The following UPRT variants were observed in gnomAD, a reference collection of about 807,000 sequenced individuals.
UPRT encodes the protein uracil phosphoribosyltransferase homolog, also known as RP11-311P8.3.
A neutral mutation model predicts 22.6 loss-of-function variants in UPRT; 5 were observed. The observed-to-expected ratio is 0.22, with a 90% CI of 0.12 to 0.47. UPRT has a LOEUF of 0.47. Among genes scored for constraint, UPRT ranks in the 20% least tolerant of loss-of-function variants. The probability of loss-of-function intolerance (pLI) is 0.99; values close to 1 mark genes in which losing one functional copy is unlikely to be tolerated. For missense variants in UPRT, 181 were observed against 239.9 expected (o/e 0.75, Z 1.62); for synonymous variants, 77 against 87.7 (o/e 0.88, Z 0.68).
intron 4 of UPRT, among the ~76,000 whole-genome samples, chrX:75,229,459 C>G (rs780479045): frequency 3.6e-5 from 4 of 111,545 alleles, no homozygotes; most frequent in Admixed American, 9.5e-5. Context: ...AGGAACATAC[C>G]AGGAAAACTG....
intron 4 of UPRT, among the ~76,000 whole-genome samples, chrX:75,235,261 G>C (rs148649750): frequency 0.041 from 4,589 of 111,216 alleles, 252 homozygotes; most frequent in African/African-American, 0.14. Flanking sequence ...CCTGAATAGA[G>C]CAATAACAGG....
intron 1 of UPRT, 145 bp from the exon 2 acceptor site, chrX:75,293,327 A>G: frequency 2.3e-6 from 1 of 437,897 alleles, no homozygotes; most frequent in Non-Finnish European, 3.7e-6. Flanking sequence ...AGTAAAAAGT[A>G]TCTTGCCTCA....
At chrX:75,190,772 G>T (rs1197458827) in intron 4 of UPRT, among the ~76,000 whole-genome samples, 1 of 111,726 alleles carries the variant, frequency 9.0e-6, no homozygotes, top group Non-Finnish European at 1.9e-5. Context: ...GATTGAATTG[G>T]TTACTGAAGC....
intron 1 of UPRT, among the ~76,000 whole-genome samples, chrX:75,289,761 A>G (rs1721675433): frequency 8.9e-6 from 1 of 112,118 alleles, no homozygotes; most frequent in South Asian, 3.7e-4. Flanking sequence ...ATCCATATGC[A>G]GAAGAATGAA....
At position 75,229,456 on chromosome X, in the gene UPRT, T is replaced by C. The variant is rs148274593; in HGVS notation, c.-446-61568T>C. 3.0e-3 allele frequency among the ~76,000 whole-genome samples: 340 copies of C among 111,809 alleles called. 1 individual carries two copies. The highest frequency in any genetic ancestry group is 0.01 in the African/African-American group (311 of 30,828). On this transcript the variant is annotated intron_variant, in intron 4 of 13. Transcript: ENST00000652605. ...TGCTCCAAGAACTACCACAGGAACA[T>C]ACCAGGAAAACTGAGAGAATTCGCA...
chrX:75,288,245 A>G (rs2082690498), intron 1 of UPRT, among the ~76,000 whole-genome samples: 1 of 111,643 alleles, frequency 9.0e-6, no homozygotes, highest in Admixed American at 9.5e-5. Flanking sequence ...TCTACCAGAC[A>G]TACAAGAAGA....
intron 4 of UPRT, among the ~76,000 whole-genome samples, chrX:75,256,899 T>G (rs1187537872): frequency 9.0e-6 from 1 of 110,905 alleles, no homozygotes; most frequent in Non-Finnish European, 1.9e-5. Flanking sequence ...CAAAAAAAAG[T>G]CCAGGACAAG....
At chrX:75,296,831 A>C (rs1468456044) in intron 3 of UPRT, among the ~76,000 whole-genome samples, 1 of 111,969 alleles carries the variant, frequency 8.9e-6, no homozygotes, top group Non-Finnish European at 1.9e-5. Flanking sequence ...TAAGAATTGG[A>C]GAAGGTGCTT....
chrX:75,182,485 T>A (rs986282839), intron 4 of UPRT, among the ~76,000 whole-genome samples: 1 of 111,400 alleles, frequency 9.0e-6, no homozygotes, highest in African/African-American at 3.3e-5. Context: ...TCTACTTGTC[T>A]TAGGCTGTTT....
intron 4 of UPRT, among the ~76,000 whole-genome samples, chrX:75,268,113 G>A (rs2082596423): frequency 8.9e-6 from 1 of 111,828 alleles, no homozygotes; most frequent in African/African-American, 3.2e-5. Flanking sequence ...ATGACCATCA[G>A]TGAAAACTAT....
chrX:75,212,764 G>A lies in UPRT; in HGVS notation c.-447+44885G>A, dbSNP rs998326526. Among the ~76,000 whole-genome samples the A allele has an allele frequency of 1.7e-4, 19 of 110,739 alleles. 1 individual carries two copies. The highest frequency in any genetic ancestry group is 6.2e-4 in the African/African-American group (19 of 30,474). On this transcript the variant is annotated intron_variant, in intron 4 of 13. Transcript: ENST00000652605. ...TAAGAACACATGGACACAGGGAGGG[G>A]AACAACACACACTGGGGCCTGTCAG...
intron 4 of UPRT, among the ~76,000 whole-genome samples, chrX:75,179,900 C>T (rs1384606542): frequency 1.8e-5 from 2 of 112,947 alleles, no homozygotes; most frequent in East Asian, 5.6e-4. Flanking sequence ...CCCGCCTCTC[C>T]CTCCACACCT....
At chrX:75,247,060 G>C (rs1188478546) in intron 4 of UPRT, among the ~76,000 whole-genome samples, 1 of 111,533 alleles carries the variant, frequency 9.0e-6, no homozygotes, top group Non-Finnish European at 1.9e-5. Context: ...TTTTAAAAGG[G>C]AGACTGTAAG....
intron 6 of UPRT, among the ~76,000 whole-genome samples, chrX:75,301,188 A>G (rs989765597): frequency 1.8e-5 from 2 of 112,266 alleles, no homozygotes; most frequent in African/African-American, 6.5e-5. Context: ...AACTAACCCC[A>G]TTTAAAAGAA....
chrX:75,221,314 T>C (rs1419355510), intron 4 of UPRT, among the ~76,000 whole-genome samples: 4 of 110,975 alleles, frequency 3.6e-5, no homozygotes, highest in Admixed American at 9.6e-5. Flanking sequence ...TTGGGTTAAA[T>C]CTGCTTGGTG....
chrX:75,188,302 C>T (rs753635663), intron 4 of UPRT, among the ~76,000 whole-genome samples: 1 of 111,491 alleles, frequency 9.0e-6, no homozygotes, highest in South Asian at 3.9e-4. Context: ...TCAGTCTGCC[C>T]CTGCTAGGGG....
At chrX:75,245,834 A>G (rs899239439) in intron 4 of UPRT, among the ~76,000 whole-genome samples, 6 of 111,670 alleles carry the variant, frequency 5.4e-5, no homozygotes, top group African/African-American at 1.6e-4. Flanking sequence ...AAAACTACCT[A>G]TCAGGTACTA....
At chrX:75,260,398 T>A (rs894913919) in intron 4 of UPRT, among the ~76,000 whole-genome samples, 10 of 111,444 alleles carry the variant, frequency 9.0e-5, no homozygotes, top group African/African-American at 3.3e-4. Context: ...AATAAAGGGA[T>A]GGAGGAAGAT....
At chrX:75,156,795 A>G in intron 1 of UPRT, 1 of 326,251 alleles carries the variant, frequency 3.1e-6, no homozygotes, top group Non-Finnish European at 5.9e-6. Flanking sequence ...CAGCTGTAAG[A>G]TTTACTGCTT....
Sources: gnomAD v4.1 joint callset for allele counts (sites outside exome capture counted in the v4.1 genomes callset) on GRCh38, gnomAD v4.1.1 for gene constraint, MANE v1.5 for transcripts, NCBI Gene and HGNC (gene_info 2026-07-23, HGNC 2026-07-21) for gene names.